The following SBF2 variants were observed in gnomAD, a reference collection of about 807,000 sequenced individuals.
SBF2 encodes SET binding factor 2, also known as myotubularin-related protein 13.
In SBF2, 112 loss-of-function variants were observed where a neutral mutation model predicts 225.2. The observed-to-expected ratio is 0.50, with a 90% CI of 0.43 to 0.58. The LOEUF (loss-of-function observed/expected upper bound fraction) is 0.58, where lower values mean the gene tolerates loss of function less well. Ranked by LOEUF, SBF2 falls within the 20% of genes least tolerant of loss-of-function variation. The pLI, the probability that SBF2 is intolerant of heterozygous loss-of-function variation, is 0.00. For synonymous variants in SBF2, 763 were observed against 773.3 expected, an observed-to-expected ratio of 0.99 and a Z score of 0.22; for missense variants, 1,996 against 2,206.2, an observed-to-expected ratio of 0.90 and a Z score of 1.91.
chr11:9,932,977 A>C (rs541957871), intron 16 of SBF2, among the ~76,000 whole-genome samples: 31,381 of 146,556 alleles, frequency 0.21, 4,587 homozygotes, highest in Non-Finnish European at 0.29. Context: ...AAAAAAAAAA[A>C]AAAAAAAAAA....
At chr11:10,192,639 T>C (rs902638864) in intron 2 of SBF2, among the ~76,000 whole-genome samples, 1 of 152,216 alleles carries the variant, frequency 6.6e-6, no homozygotes. Context: ...ATGAGATTAA[T>C]ATAATCATTA....
intron 1 of SBF2, among the ~76,000 whole-genome samples, chr11:10,252,441 T>C (rs1183221759): frequency 6.6e-6 from 1 of 152,248 alleles, no homozygotes; most frequent in African/African-American, 2.4e-5. Flanking sequence ...AATAGCTAAA[T>C]CTTGGCCAAT....
At chr11:9,812,814 G>A in intron 29 of SBF2, 106 bp from the exon 30 acceptor site, 3 of 1,071,752 alleles carry the variant, frequency 2.8e-6, no homozygotes, top group Non-Finnish European at 4.2e-6. Context: ...GGGCCAAATA[G>A]CTGCAGAGGC....
rs757323907 is a variant in SBF2 at position 9,853,614 on chromosome 11, C to T, written c.2462G>A (p.Arg821Gln). Residue 821 changes from arginine (R) to glutamine (Q), a missense_variant, in exon 20 of 40, where the codon CGA becomes CAA. By Grantham distance (43) the Arg-to-Gln change is conservative. Transcript: ENST00000256190. ...CTCTGTACAAACTTTGTCAATAAAT[C>T]GGGTAATGAACCGCACAACAGAATT... ...IANSVVRFIT[R>Q]FIDKVCTESG... is the part of the protein sequence containing the mutation. 2.0e-5 allele frequency: 32 copies of T among 1,613,800 alleles called. No individual in the cohort carries two copies. The highest frequency in any genetic ancestry group is 3.3e-4 in the Middle Eastern group (2 of 6,080).
At chr11:10,250,860 C>T (rs868695308) in intron 1 of SBF2, among the ~76,000 whole-genome samples, 4 of 152,168 alleles carry the variant, frequency 2.6e-5, no homozygotes, top group Admixed American at 2.0e-4. Flanking sequence ...TCCCTCCACA[C>T]TCTTGGAAAC....
intron 2 of SBF2, among the ~76,000 whole-genome samples, chr11:10,073,897 A>G (rs548754392): frequency 3.3e-5 from 5 of 152,302 alleles, no homozygotes; most frequent in African/African-American, 1.2e-4. Flanking sequence ...TGATATTATT[A>G]CTTATGTTTT....
chr11:10,156,188 C>G (rs1207257932), intron 2 of SBF2, among the ~76,000 whole-genome samples: 2 of 152,230 alleles, frequency 1.3e-5, no homozygotes, highest in African/African-American at 4.8e-5. Flanking sequence ...TGTGGCTGAG[C>G]CTGGATGCTG....
rs746836061 is a variant in SBF2, at chr11:10,001,039, T to C, written c.753-17A>G. On this transcript the variant is annotated splice_polypyrimidine_tract_variant and intron_variant, in intron 7 of 39. Coordinates refer to ENST00000256190, the MANE Select transcript of SBF2 (RefSeq NM_030962.4). Reference sequence around the variant, plus strand: ...TAAGGATAACTGGAAATAATAAAAATATGCGTCAAATATATTTTTCTTTAA... The same window carrying C: ...TAAGGATAACTGGAAATAATAAAAACATGCGTCAAATATATTTTTCTTTAA... 1 of 1,274,168 alleles carries C rather than the reference T, an allele frequency of 7.8e-7. No homozygotes were observed. The highest frequency in any genetic ancestry group is 1.2e-5 in the South Asian group (1 of 83,906). 78.9% of individuals were successfully genotyped at this position (1,274,168 alleles called of 1,614,324 possible).
At chr11:9,785,041 G>T (rs1486032009) in intron 37 of SBF2, 84 bp downstream of exon 37, 3 of 1,152,186 alleles carry the variant, frequency 2.6e-6, no homozygotes, top group Non-Finnish European at 3.9e-6. Context: ...TACTGCACAG[G>T]CCTAGCTTAT....
chr11:10,137,277 AG>A (rs1954416930), intron 2 of SBF2, among the ~76,000 whole-genome samples: 1 of 152,218 alleles, frequency 6.6e-6, no homozygotes, highest in Non-Finnish European at 1.5e-5. Context: ...CTCACTTATT[AG>A]TTCTAGATGT....
chr11:9,882,598 G>A (rs773221287), intron 17 of SBF2, among the ~76,000 whole-genome samples: 11 of 151,966 alleles, frequency 7.2e-5, no homozygotes, highest in Non-Finnish European at 1.2e-4. Context: ...CACAAAGTCA[G>A]GAGATCGAGA....
intron 1 of SBF2, among the ~76,000 whole-genome samples, chr11:10,201,894 A>C (rs1285675458): frequency 6.6e-6 from 1 of 152,240 alleles, no homozygotes; most frequent in African/African-American, 2.4e-5. Flanking sequence ...ATGCATTTTT[A>C]AGTTGAAGAG....
At chr11:9,982,361 A>C (rs1012889368) in intron 13 of SBF2, among the ~76,000 whole-genome samples, 1 of 152,198 alleles carries the variant, frequency 6.6e-6, no homozygotes, top group Non-Finnish European at 1.5e-5. Context: ...TAACTGAAAA[A>C]ATTGTGACTA....
chr11:10,169,945 CT>C (rs1956121740), intron 2 of SBF2, among the ~76,000 whole-genome samples: 1 of 152,026 alleles, frequency 6.6e-6, no homozygotes, highest in African/African-American at 2.4e-5. Flanking sequence ...TGCTGAGCAC[CT>C]TTTCATATAA....
At chr11:10,196,103 T>C (rs1239877347) in intron 1 of SBF2, among the ~76,000 whole-genome samples, 1 of 152,214 alleles carries the variant, frequency 6.6e-6, no homozygotes, top group Admixed American at 6.5e-5. Context: ...CATACAAAAC[T>C]TTCTGGAAGA....
chr11:10,284,792 T>G (rs1963637144), intron 1 of SBF2, among the ~76,000 whole-genome samples: 1 of 152,028 alleles, frequency 6.6e-6, no homozygotes, highest in African/African-American at 2.4e-5. Flanking sequence ...TTTTTATGTT[T>G]TTTTAATTTT....
chr11:10,300,544 A>G (rs1459829275), intron 1 of SBF2, among the ~76,000 whole-genome samples: 1 of 151,544 alleles, frequency 6.6e-6, no homozygotes, highest in South Asian at 2.1e-4. Context: ...CATATATAAA[A>G]TAATTGCTTC....
chr11:9,796,105 G>T, intron 32 of SBF2, 148 bp from the exon 33 acceptor site: 1 of 810,978 alleles, frequency 1.2e-6, no homozygotes, highest in Non-Finnish European at 2.0e-6. Flanking sequence ...GTAGAGATGG[G>T]AAGGGAACCA....
At chr11:9,915,714 A>G (rs1020634145) in intron 16 of SBF2, 2 of 152,204 alleles carry the variant, frequency 1.3e-5, no homozygotes, top group African/African-American at 4.8e-5. Flanking sequence ...AATAAAATGT[A>G]TAAAAAACCA....
Sources: allele counts gnomAD v4.1 joint callset (sites outside exome capture counted in the v4.1 genomes callset), GRCh38; gene constraint gnomAD v4.1.1; transcripts MANE v1.5; gene names NCBI Gene and HGNC (gene_info 2026-07-23, HGNC 2026-07-21).